The following CPNE1 variants were observed in gnomAD, a reference collection of about 807,000 sequenced individuals.
CPNE1 encodes copine-1.
In CPNE1, 58 loss-of-function variants were observed where a neutral mutation model predicts 63.2. That is an observed-to-expected ratio of 0.92 (90% CI 0.74 to 1.14). The LOEUF is 1.14. Ranked by LOEUF, CPNE1 falls within the 50% of genes most tolerant of loss-of-function variation. CPNE1 has a pLI of 0.00. For synonymous variants in CPNE1, 237 were observed against 249.0 expected, an observed-to-expected ratio of 0.95 and a Z score of 0.45; for missense variants, 672 against 661.7, an observed-to-expected ratio of 1.02 and a Z score of -0.17.
chr20:35,640,026 C>T (rs1026984158), intron 1 of CPNE1, among the ~76,000 whole-genome samples: 6 of 152,192 alleles, frequency 3.9e-5, no homozygotes, highest in Non-Finnish European at 5.9e-5. Flanking sequence ...ATGTGAGCCC[C>T]TAAGGTGGCC....
Position 35,632,191 on chromosome 20 carries a change from T to C in CPNE1, c.428A>G (p.Glu143Gly). The change falls in exon 5 of 16, where the codon GAG becomes GGG. Residue 143 changes from glutamate to glycine, a missense_variant. Physicochemically the swap from Glu to Gly is moderately conservative, Grantham distance 98. Coordinates refer to ENST00000397443, the MANE Select transcript of CPNE1 (RefSeq NM_152925.3). ...ELKDNRVVTMEVEARNLDKKD... is the reference protein window; with the variant it reads ...ELKDNRVVTMGVEARNLDKKD... ...CTTATCTAGGTTTCTGGCCTCTACCTCCATGGTTACTACACGATTGTCCTT... is the reference window on the plus strand; with the variant it reads ...CTTATCTAGGTTTCTGGCCTCTACCCCCATGGTTACTACACGATTGTCCTT... 6.2e-7 allele frequency: 1 copy of C among 1,614,064 alleles called. No individual in the cohort carries two copies. Among genetic ancestry groups the C allele is most frequent in the Non-Finnish European group, 8.5e-7 (1 of 1,180,016 alleles).
intron 1 of CPNE1, 104 bp downstream of exon 1, chr20:35,664,656 A>C (rs1228088749): frequency 6.6e-6 from 1 of 152,438 alleles, no homozygotes; most frequent in Non-Finnish European, 1.5e-5. Flanking sequence ...GTGGGGCGCT[A>C]GTTGCCGCGG....
chr20:35,628,853 AAG>A (rs1470971974), intron 13 of CPNE1, among the ~76,000 whole-genome samples: 2 of 152,222 alleles, frequency 1.3e-5, no homozygotes, highest in East Asian at 1.9e-4. Context: ...TAATGTAAGA[AAG>A]AGTCTTTGAT....
chr20:35,648,767 G>C (rs1490760127), intron 1 of CPNE1, among the ~76,000 whole-genome samples: 2 of 152,112 alleles, frequency 1.3e-5, no homozygotes, highest in Non-Finnish European at 2.9e-5. Context: ...CTCTTCTCTT[G>C]ACACTTCAGC....
At chr20:35,646,692 T>C (rs2033124965) in intron 1 of CPNE1, among the ~76,000 whole-genome samples, 1 of 152,158 alleles carries the variant, frequency 6.6e-6, no homozygotes, top group Non-Finnish European at 1.5e-5. Context: ...AGCAGCAGAA[T>C]GGAGGTAATG....
chr20:35,644,723 A>T (rs900976835), intron 1 of CPNE1, among the ~76,000 whole-genome samples: 1 of 152,184 alleles, frequency 6.6e-6, no homozygotes, highest in Non-Finnish European at 1.5e-5. Flanking sequence ...CTGCCACTAC[A>T]ACAGCAGTGA....
At chr20:35,627,468 A>C (rs1018579147) in intron 13 of CPNE1, 55 bp from the exon 14 acceptor site, 6 of 1,572,042 alleles carry the variant, frequency 3.8e-6, no homozygotes, top group Non-Finnish European at 5.2e-6. Context: ...GGACTACACC[A>C]GTCCTGAAAT....
intron 1 of CPNE1, among the ~76,000 whole-genome samples, chr20:35,645,116 C>G (rs2033032154): frequency 6.6e-6 from 1 of 152,130 alleles, no homozygotes; most frequent in Non-Finnish European, 1.5e-5. Context: ...TGTGCATCTA[C>G]AGTGTGCACA....
At position 35,631,730 on chromosome 20, in the gene CPNE1, G is replaced by T; in HGVS notation, c.585C>A (p.Pro195=). Residue 195 remains proline (P), a synonymous_variant, in exon 7 of 16, where the codon CCC becomes CCA. Transcript: ENST00000397443. ...LNPTWKRFSV[P]VQHFCGGNPS... ...GGTTCCCACCACAGAAATGCTGAACGGGGACTGAGAAACGCTTCCATGTAG... is the reference window on the plus strand; with the variant it reads ...GGTTCCCACCACAGAAATGCTGAACTGGGACTGAGAAACGCTTCCATGTAG... 1.2e-6 allele frequency: 2 copies of T among 1,614,070 alleles called. No individual in the cohort carries two copies. Among genetic ancestry groups the T allele is most frequent in the Non-Finnish European group, 1.7e-6 (2 of 1,179,984 alleles).
At chr20:35,629,497 G>A (rs543084268) in intron 13 of CPNE1, among the ~76,000 whole-genome samples, 1 of 152,224 alleles carries the variant, frequency 6.6e-6, no homozygotes, top group African/African-American at 2.4e-5. Context: ...AGATAATAAC[G>A]ATAATATAAC....
chr20:35,629,579 C>T (rs1314770176), intron 13 of CPNE1, among the ~76,000 whole-genome samples: 1 of 151,996 alleles, frequency 6.6e-6, no homozygotes, highest in Non-Finnish European at 1.5e-5. Context: ...TCCTTGAGTA[C>T]TCAATTTCCT....
At chr20:35,640,740 A>AACAC (rs2032752777) in intron 1 of CPNE1, among the ~76,000 whole-genome samples, 1 of 152,182 alleles carries the variant, frequency 6.6e-6, no homozygotes, top group African/African-American at 2.4e-5. Flanking sequence ...CAACGCCTGG[A>AACAC]ACACAGCAGG....
intron 1 of CPNE1, among the ~76,000 whole-genome samples, chr20:35,641,212 C>T (rs1038187265): frequency 6.6e-6 from 1 of 152,188 alleles, no homozygotes; most frequent in Non-Finnish European, 1.5e-5. Context: ...CAATCCAAGG[C>T]ATAGAGGGAA....
At chr20:35,640,255 CTA>C (rs2032729910) in intron 1 of CPNE1, among the ~76,000 whole-genome samples, 1 of 152,146 alleles carries the variant, frequency 6.6e-6, no homozygotes. Flanking sequence ...ACCTCTAAGC[CTA>C]TCTCTGCTTA....
chr20:35,636,083 C>T (rs752390718), intron 1 of CPNE1, among the ~76,000 whole-genome samples: 2 of 152,212 alleles, frequency 1.3e-5, no homozygotes, highest in African/African-American at 2.4e-5. Context: ...CCTATGAGAA[C>T]TCATCTGATA....
intron 1 of CPNE1, chr20:35,654,809 T>C (rs753366402): frequency 1.2e-6 from 2 of 1,614,080 alleles, no homozygotes; most frequent in Admixed American, 3.3e-5. Flanking sequence ...ACAGTTGAGC[T>C]AAACGTTGGG....
chr20:35,647,031 C>T (rs2033145446), intron 1 of CPNE1, among the ~76,000 whole-genome samples: 1 of 152,026 alleles, frequency 6.6e-6, no homozygotes, highest in Non-Finnish European at 1.5e-5. Flanking sequence ...AAAAATAGGG[C>T]CGGGCATGGT....
chr20:35,653,253 CGCACCAGGCAGTCCT>C (rs760382636), intron 1 of CPNE1: 171 of 1,613,504 alleles, frequency 1.1e-4, no homozygotes, highest in Non-Finnish European at 1.4e-4. Context: ...TGGGCATTCC[CGCACCAGGCAGTCCT>C]GCACTGGTTA....
chr20:35,626,569 T>G lies in CPNE1; in HGVS notation c.1471A>C (p.Asn491His). Reference sequence around the variant, plus strand: ...AGATCAAATTTGCACCTACTCACATTCTGGAACCGGCGGTAGGGTACAAAC... The same window carrying G: ...AGATCAAATTTGCACCTACTCACATGCTGGAACCGGCGGTAGGGTACAAAC... ...VQFVPYRRFQNAPREALAQTV... is the reference protein window; with the variant it reads ...VQFVPYRRFQHAPREALAQTV... Residue 491 changes from asparagine (N) to histidine (H), a missense_variant and splice_region_variant, in exon 15 of 16, where the codon AAT (asparagine) becomes CAT (histidine). Physicochemically the swap from Asn to His is moderately conservative, Grantham distance 68. Coordinates refer to ENST00000397443, the MANE Select transcript of CPNE1 (RefSeq NM_152925.3). The G allele has an allele frequency of 6.2e-7, 1 of 1,613,818 alleles. No individual in the cohort carries two copies.
Sources: gnomAD v4.1 joint callset for allele counts (sites outside exome capture counted in the v4.1 genomes callset) on GRCh38, gnomAD v4.1.1 for gene constraint, MANE v1.5 for transcripts, NCBI Gene and HGNC (gene_info 2026-07-23, HGNC 2026-07-21) for gene names.